TOP6BL: variants seen among roughly 807,000 people sequenced by gnomAD.
The protein encoded by TOP6BL is type 2 DNA topoisomerase 6 subunit B-like.
At chr11:66,843,238 G>A in the TOP6BL span, 1 of 1,608,468 alleles carries the variant, frequency 6.2e-7, no homozygotes, top group Admixed American at 1.7e-5. Flanking sequence ...GCCCTGAGCC[G>A]GGTCCCCTTC....
At chr11:66,746,800 C>T in the TOP6BL span, among the ~76,000 whole-genome samples, 141 of 151,836 alleles carry the variant, frequency 9.3e-4, no homozygotes, top group African/African-American at 3.1e-3. Flanking sequence ...CACCTGAGCC[C>T]GGGAGGTTGA....
At chr11:66,784,048 T>C in the TOP6BL span, among the ~76,000 whole-genome samples, 1 of 152,136 alleles carries the variant, frequency 6.6e-6, no homozygotes, top group Non-Finnish European at 1.5e-5. Flanking sequence ...TTTTTGTTTC[T>C]GAGATGGAGT....
chr11:66,809,687 A>C, the TOP6BL span, among the ~76,000 whole-genome samples: 1 of 152,166 alleles, frequency 6.6e-6, no homozygotes, highest in Non-Finnish European at 1.5e-5. Context: ...GATAGAAGAT[A>C]TGTGAGTGTA....
chr11:66,745,199 T>C, the TOP6BL span, among the ~76,000 whole-genome samples: 1 of 151,662 alleles, frequency 6.6e-6, no homozygotes, highest in Non-Finnish European at 1.5e-5. Flanking sequence ...GGGCAGAGCC[T>C]GACGCAGCCT....
At chr11:66,842,773 C>T in the TOP6BL span, 2 of 1,399,904 alleles carry the variant, frequency 1.4e-6, no homozygotes, top group Non-Finnish European at 1.9e-6. Context: ...CCCGTTCTCC[C>T]AGGCTTCCCC....
the TOP6BL span, among the ~76,000 whole-genome samples, chr11:66,811,209 C>G: frequency 1.3e-5 from 2 of 152,050 alleles, no homozygotes; most frequent in African/African-American, 4.8e-5. Flanking sequence ...ACTCTGTTGC[C>G]CAGGCTGGAG....
chr11:66,765,041 A>G, the TOP6BL span, among the ~76,000 whole-genome samples: 1 of 152,186 alleles, frequency 6.6e-6, no homozygotes. Flanking sequence ...CTTGCAAAAT[A>G]AACCCACACT....
At chr11:66,787,456 A>G in the TOP6BL span, among the ~76,000 whole-genome samples, 2 of 151,158 alleles carry the variant, frequency 1.3e-5, no homozygotes, top group African/African-American at 4.9e-5. Flanking sequence ...CTGTAATCCC[A>G]GCACTTTGGG....
chr11:66,818,134 C>T, the TOP6BL span, among the ~76,000 whole-genome samples: 1 of 152,058 alleles, frequency 6.6e-6, no homozygotes, highest in Non-Finnish European at 1.5e-5. Context: ...TTTGGTGTGG[C>T]CCTGCTCCTA....
chr11:66,821,496 C>T, the TOP6BL span: 3 of 753,450 alleles, frequency 4.0e-6, no homozygotes, highest in Admixed American at 2.9e-5. Context: ...ACCGTGGTCT[C>T]GATCTCCTGA....
chr11:66,755,019 T>G, the TOP6BL span, among the ~76,000 whole-genome samples: 1 of 152,194 alleles, frequency 6.6e-6, no homozygotes, highest in South Asian at 2.1e-4. Context: ...AATTTTATTA[T>G]ATAAATCAGG....
At chr11:66,779,235 A>G in the TOP6BL span, among the ~76,000 whole-genome samples, 6 of 152,206 alleles carry the variant, frequency 3.9e-5, no homozygotes, top group Non-Finnish European at 8.8e-5. Flanking sequence ...CAACCTACAG[A>G]ATGGGAGAAA....
chr11:66,800,164 T>C, the TOP6BL span, among the ~76,000 whole-genome samples: 1 of 152,014 alleles, frequency 6.6e-6, no homozygotes, highest in African/African-American at 2.4e-5. Flanking sequence ...ATTTCACTTA[T>C]ATGTGGAATC....
At chr11:66,840,416 C>T in the TOP6BL span, among the ~76,000 whole-genome samples, 2 of 152,224 alleles carry the variant, frequency 1.3e-5, no homozygotes, top group African/African-American at 2.4e-5. Flanking sequence ...GGGATCGTCC[C>T]TTCTGCTTTC....
chr11:66,793,179 A>C, the TOP6BL span, among the ~76,000 whole-genome samples: 2 of 151,160 alleles, frequency 1.3e-5, no homozygotes, highest in African/African-American at 4.9e-5. Context: ...CCTCCATTCC[A>C]GGTTCAAGTG....
At chr11:66,816,624 C>T in the TOP6BL span, among the ~76,000 whole-genome samples, 72 of 152,160 alleles carry the variant, frequency 4.7e-4, no homozygotes, top group African/African-American at 1.7e-3. Context: ...TACAGTTGCG[C>T]GAGCATAGCT....
chr11:66,837,132 T>C, the TOP6BL span, among the ~76,000 whole-genome samples: 1 of 152,238 alleles, frequency 6.6e-6, no homozygotes, highest in South Asian at 2.1e-4. Context: ...TTTTATTTTA[T>C]TTTTATTTTC....
the TOP6BL span, chr11:66,788,194 G>A: frequency 3.1e-6 from 5 of 1,613,782 alleles, no homozygotes; most frequent in East Asian, 2.2e-5. Flanking sequence ...TCTCTGCAAA[G>A]CTGACTTGGA....
the TOP6BL span, chr11:66,842,927 C>T: frequency 6.4e-7 from 1 of 1,561,026 alleles, no homozygotes; most frequent in Non-Finnish European, 8.7e-7. Flanking sequence ...CTGCGCTCTG[C>T]CAGGGCCCCG....
Sources: gnomAD v4.1 joint callset for allele counts (sites outside exome capture counted in the v4.1 genomes callset) on GRCh38, gnomAD v4.1.1 for gene constraint, MANE v1.5 for transcripts, NCBI Gene and HGNC (gene_info 2026-07-23, HGNC 2026-07-21) for gene names.